Variants in HS3ST4 observed in about 807,000 individuals in gnomAD.
HS3ST4 encodes the protein heparan sulfate glucosamine 3-O-sulfotransferase 4.
A neutral mutation model predicts 29.2 loss-of-function variants in HS3ST4; 17 were observed. That is an observed-to-expected ratio of 0.58 (90% CI 0.40 to 0.87). HS3ST4 has a LOEUF of 0.87. Ranked by LOEUF, HS3ST4 falls within the 40% of genes least tolerant of loss-of-function variation. The pLI is 0.00. For synonymous variants in HS3ST4, 314 were observed against 285.7 expected, an observed-to-expected ratio of 1.10 and a Z score of -1.00; for missense variants, 627 against 634.5, an observed-to-expected ratio of 0.99 and a Z score of 0.13.
At chr16:25,798,228 G>T (rs1966900086) in intron 1 of HS3ST4, among the ~76,000 whole-genome samples, 1 of 152,134 alleles carries the variant, frequency 6.6e-6, no homozygotes, top group East Asian at 1.9e-4. Context: ...CTGGTGTTAG[G>T]TGGGTCTTGA....
chr16:26,039,191 C>A (rs1017113481), intron 1 of HS3ST4, among the ~76,000 whole-genome samples: 2 of 151,894 alleles, frequency 1.3e-5, no homozygotes, highest in African/African-American at 4.8e-5. Context: ...CCTGTTTTTT[C>A]AAAAATGTAT....
At chr16:25,912,496 C>T (rs1567270917) in intron 1 of HS3ST4, among the ~76,000 whole-genome samples, 1 of 100,732 alleles carries the variant, frequency 9.9e-6, no homozygotes, top group Non-Finnish European at 1.9e-5. Context: ...CCCTGCCCCA[C>T]ACACCTGCCT....
At chr16:25,862,105 A>G (rs1242768496) in intron 1 of HS3ST4, among the ~76,000 whole-genome samples, 3 of 152,154 alleles carry the variant, frequency 2.0e-5, no homozygotes, top group Non-Finnish European at 4.4e-5. Flanking sequence ...TAAGGAGCAC[A>G]CAACCTAGAT....
At chr16:25,741,507 T>G (rs1319077366) in intron 1 of HS3ST4, among the ~76,000 whole-genome samples, 1 of 152,120 alleles carries the variant, frequency 6.6e-6, no homozygotes, top group Non-Finnish European at 1.5e-5. Context: ...TTCAATTCAT[T>G]TGCTTTAAAA....
intron 1 of HS3ST4, among the ~76,000 whole-genome samples, chr16:25,920,605 C>G (rs796294514): frequency 8.7e-5 from 13 of 150,052 alleles, no homozygotes; most frequent in African/African-American, 3.0e-4. Flanking sequence ...CGCCCCCACC[C>G]CTCTTTTTTT....
chr16:25,950,131 C>G (rs906907006), intron 1 of HS3ST4, among the ~76,000 whole-genome samples: 2 of 152,102 alleles, frequency 1.3e-5, no homozygotes, highest in Admixed American at 1.3e-4. Context: ...GCTTTGGCAT[C>G]AGTGAGGGCG....
intron 1 of HS3ST4, among the ~76,000 whole-genome samples, chr16:26,034,068 T>G (rs1969559429): frequency 6.6e-6 from 1 of 152,210 alleles, no homozygotes; most frequent in Non-Finnish European, 1.5e-5. Context: ...AAAGTCAATG[T>G]GTACTGCAAT....
At position 25,873,299 on chromosome 16, in the gene HS3ST4, C is replaced by T. The variant is rs142812366; in HGVS notation, c.734+180148C>T. 2.5e-4 allele frequency among the ~76,000 whole-genome samples: 28 copies of T among 110,050 alleles called. 1 individual carries two copies. The highest frequency in any genetic ancestry group is 8.8e-4 in the African/African-American group (25 of 28,514). The allele number at this position is 110,050 out of a possible 152,430, so 72.2% of individuals were successfully genotyped here. On this transcript the variant is annotated intron_variant, in intron 1 of 1. Transcript: ENST00000331351. ...CCATTCATCCATCCATCCATCCATCCATCCATCCATCCATCCATCCATCCT... is the reference window on the plus strand; with the variant it reads ...CCATTCATCCATCCATCCATCCATCTATCCATCCATCCATCCATCCATCCT...
chr16:26,045,537 C>T (rs899674925), intron 1 of HS3ST4, among the ~76,000 whole-genome samples: 1 of 152,128 alleles, frequency 6.6e-6, no homozygotes, highest in Admixed American at 6.5e-5. Context: ...AGCAGGCTCA[C>T]CAGTGTAGAC....
chr16:25,794,003 T>C (rs576019005), intron 1 of HS3ST4, among the ~76,000 whole-genome samples: 2 of 152,214 alleles, frequency 1.3e-5, no homozygotes, highest in African/African-American at 4.8e-5. Flanking sequence ...TTCTTAATAT[T>C]CTTGTGCTAT....
At chr16:25,930,203 T>C (rs1437751249) in intron 1 of HS3ST4, among the ~76,000 whole-genome samples, 2 of 152,220 alleles carry the variant, frequency 1.3e-5, no homozygotes, top group East Asian at 1.9e-4. Flanking sequence ...CCTAGGCATA[T>C]GAAGAACATG....
intron 1 of HS3ST4, among the ~76,000 whole-genome samples, chr16:25,773,846 T>A (rs1966845097): frequency 6.6e-6 from 1 of 152,188 alleles, no homozygotes. Flanking sequence ...CTACTCTGTA[T>A]GCCCCTGTGC....
intron 1 of HS3ST4, among the ~76,000 whole-genome samples, chr16:25,828,247 T>TC (rs1273983245): frequency 1.8e-5 from 1 of 55,798 alleles, no homozygotes; most frequent in African/African-American, 7.5e-5. Flanking sequence ...TCTTTCTCTT[T>TC]CTTTCTTTCT....
intron 1 of HS3ST4, among the ~76,000 whole-genome samples, chr16:25,840,978 A>G (rs530649109): frequency 0.084 from 2,808 of 33,590 alleles, 36 homozygotes; most frequent in Non-Finnish European, 0.15. Context: ...TTGTTTGTTT[A>G]TTTATTTATT....
chr16:26,102,173 T>C (rs1027212398), intron 1 of HS3ST4, among the ~76,000 whole-genome samples: 5 of 152,118 alleles, frequency 3.3e-5, no homozygotes, highest in African/African-American at 4.8e-5. Context: ...AAACACAACA[T>C]TAATCCTAAA....
At chr16:25,735,759 C>T (rs900107811) in intron 1 of HS3ST4, among the ~76,000 whole-genome samples, 2 of 152,148 alleles carry the variant, frequency 1.3e-5, no homozygotes, top group Non-Finnish European at 2.9e-5. Flanking sequence ...ACAGTTTCAG[C>T]AAAAGTTTTA....
chr16:25,776,345 A>C (rs1278885129), intron 1 of HS3ST4, among the ~76,000 whole-genome samples: 1 of 152,226 alleles, frequency 6.6e-6, no homozygotes, highest in African/African-American at 2.4e-5. Flanking sequence ...GCTCACTGAG[A>C]TAAATGGATA....
chr16:25,892,557 A>G (rs545277107), intron 1 of HS3ST4, among the ~76,000 whole-genome samples: 1 of 152,176 alleles, frequency 6.6e-6, no homozygotes, highest in Non-Finnish European at 1.5e-5. Flanking sequence ...GAGAGCTCAC[A>G]AGATTGGGCT....
rs187555928 is a variant in HS3ST4, at chr16:25,957,229, C to T, written c.735-178383C>T. On this transcript the variant is annotated intron_variant, in intron 1 of 1. Transcript: ENST00000331351. ...TGATTCCTCCTTTAGAAAAAACCTC[C>T]CCCATGTTTCAGCCACATAGCACAG... Among the ~76,000 whole-genome samples, 71 of 152,244 alleles carry T rather than the reference C, an allele frequency of 4.7e-4. No homozygotes were observed. In the East Asian group the frequency reaches 0.012, roughly 27 times the overall value.
Sources: allele counts gnomAD v4.1 joint callset (sites outside exome capture counted in the v4.1 genomes callset), GRCh38; gene constraint gnomAD v4.1.1; transcripts MANE v1.5; gene names NCBI Gene and HGNC (gene_info 2026-07-23, HGNC 2026-07-21).